The following KIF4A variants were observed in gnomAD, a reference collection of about 807,000 sequenced individuals.
The protein encoded by KIF4A is chromosome-associated kinesin KIF4A.
In KIF4A, 7 loss-of-function variants were observed where a neutral mutation model predicts 105.9. The ratio of observed to expected loss-of-function variants is 0.07; its 90% CI spans 0.04 to 0.12. The LOEUF (loss-of-function observed/expected upper bound fraction) is 0.12. Among genes scored for constraint, KIF4A ranks in the 10% least tolerant of loss-of-function variants. The pLI, the probability that KIF4A is intolerant of heterozygous loss-of-function variation, is 1.00. For synonymous variants in KIF4A, 281 were observed against 331.3 expected, an observed-to-expected ratio of 0.85 and a Z score of 1.65; for missense variants, 558 against 929.2, an observed-to-expected ratio of 0.60 and a Z score of 5.19.
At chrX:70,373,557 C>CATACATAT (rs1491175460) in intron 15 of KIF4A, among the ~76,000 whole-genome samples, 1 of 2,771 alleles carries the variant, frequency 3.6e-4, no homozygotes, top group African/African-American at 1.4e-3. Context: ...TATATATATA[C>CATACATAT]GTATATATAT....
intron 22 of KIF4A, among the ~76,000 whole-genome samples, chrX:70,401,060 C>A (rs1474724485): frequency 2.8e-5 from 3 of 107,112 alleles, no homozygotes; most frequent in Non-Finnish European, 5.8e-5. Flanking sequence ...AGCCACCGCG[C>A]CCCGCCAATA....
chrX:70,306,564 T>C (rs2085827950), intron 7 of KIF4A, among the ~76,000 whole-genome samples: 1 of 111,929 alleles, frequency 8.9e-6, no homozygotes, highest in Non-Finnish European at 1.9e-5. Context: ...TTTGAGACAA[T>C]CTCACTCTGT....
chrX:70,341,854 G>C lies in KIF4A; in HGVS notation c.1189G>C (p.Glu397Gln). ...GATGGAGAAGAATCAGTCCCTGGTA[G>C]AGGAGAATGAAAAATTAAGTCGTGG... is the stretch of plus-strand genomic sequence containing the variant. ...SLMEKNQSLV[E>Q]ENEKLSRGLS... The change falls in exon 11 of 31, where the codon GAG becomes CAG. Residue 397 changes from glutamate to glutamine, a missense_variant. This residue lies in a region of KIF4A where 469 missense variants were observed against 680.4 expected (regional missense o/e 0.69). Transcript: ENST00000374403. 8.3e-7 allele frequency: 1 copy of C among 1,211,657 alleles called. No individual in the cohort carries two copies. The highest frequency in any genetic ancestry group is 1.8e-5 in the South Asian group (1 of 56,926).
chrX:70,364,882 T>C (rs749133370), intron 15 of KIF4A, among the ~76,000 whole-genome samples: 2 of 111,807 alleles, frequency 1.8e-5, no homozygotes, highest in African/African-American at 6.5e-5. Flanking sequence ...GAGCATGGAA[T>C]GTTCTTCCAT....
In KIF4A at chrX:70,353,668, C is replaced by T; in HGVS notation, c.1535C>T (p.Thr512Ile). 1 of 1,211,122 alleles carries T rather than the reference C, an allele frequency of 8.3e-7. No homozygotes were observed. Among genetic ancestry groups the T allele is most frequent in the Non-Finnish European group, 1.1e-6 (1 of 895,285 alleles). Reference protein sequence around the residue: ...PETSRSSDAFTTQHALRQAQM... With the variant: ...PETSRSSDAFITQHALRQAQM... Reference sequence around the variant, plus strand: ...ACGAGCAGGTCTTCTGACGCTTTTACCACTCAGCATGCTCTCCGTCAAGCG... The same window carrying T: ...ACGAGCAGGTCTTCTGACGCTTTTATCACTCAGCATGCTCTCCGTCAAGCG... The change falls in exon 15 of 31, where the codon ACC becomes ATC. Residue 512 changes from threonine to isoleucine, a missense_variant. Thr to Ile is a moderately conservative substitution (Grantham distance 89). This residue lies in a region of KIF4A where 469 missense variants were observed against 680.4 expected (regional missense o/e 0.69). Transcript: ENST00000374403.
intron 15 of KIF4A, among the ~76,000 whole-genome samples, chrX:70,360,725 G>A (rs977803747): frequency 8.9e-6 from 1 of 112,867 alleles, no homozygotes; most frequent in African/African-American, 3.2e-5. Context: ...CCTGCCCAGG[G>A]ATCTGGAGAG....
chrX:70,299,601 A>T (rs1452821608), intron 5 of KIF4A, among the ~76,000 whole-genome samples: 2 of 111,814 alleles, frequency 1.8e-5, no homozygotes, highest in Non-Finnish European at 3.8e-5. Context: ...CGATAGCTAC[A>T]TATGGCTAGT....
intron 7 of KIF4A, among the ~76,000 whole-genome samples, chrX:70,317,178 G>C (rs1455934005): frequency 1.8e-5 from 2 of 111,405 alleles, no homozygotes; most frequent in Non-Finnish European, 3.8e-5. Flanking sequence ...GAATATTCTT[G>C]TACAGGTATT....
intron 26 of KIF4A, 22 bp from the exon 27 acceptor site, chrX:70,406,237 T>C: frequency 8.5e-7 from 1 of 1,171,731 alleles, no homozygotes; most frequent in Non-Finnish European, 1.2e-6. Flanking sequence ...CATTATATAC[T>C]TTGTCTCTTC....
At chrX:70,349,054 G>A (rs751804349) in intron 13 of KIF4A, among the ~76,000 whole-genome samples, 4 of 97,593 alleles carry the variant, frequency 4.1e-5, no homozygotes, top group South Asian at 5.3e-4. Context: ...CGGGGTGGCC[G>A]GGCAGAGGCG....
chrX:70,297,674 T>C (rs1602737600), intron 4 of KIF4A, among the ~76,000 whole-genome samples: 1 of 111,960 alleles, frequency 8.9e-6, no homozygotes, highest in South Asian at 3.8e-4. Flanking sequence ...GTACTTGGTA[T>C]ATATCAGTGA....
intron 23 of KIF4A, among the ~76,000 whole-genome samples, chrX:70,402,987 T>A (rs1360294445): frequency 2.7e-5 from 3 of 112,125 alleles, no homozygotes; most frequent in African/African-American, 6.5e-5. Context: ...AGTGGGTCAC[T>A]GGCTAAACAT....
intron 10 of KIF4A, among the ~76,000 whole-genome samples, chrX:70,340,584 T>A (rs1278983989): frequency 8.9e-6 from 1 of 112,410 alleles, no homozygotes; most frequent in East Asian, 2.8e-4. Flanking sequence ...TAGTTTTTTT[T>A]ATAATCTGCA....
rs1447961046 is a variant in KIF4A, at chrX:70,296,983, C to T, written c.236-15C>T. The T allele has an allele frequency of 1.7e-6, 2 of 1,202,569 alleles. No individual in the cohort carries two copies. Among genetic ancestry groups the T allele is most frequent in the East Asian group, 3.0e-5 (1 of 33,811 alleles). On this transcript the variant is annotated splice_polypyrimidine_tract_variant and intron_variant, in intron 3 of 30. Coordinates refer to ENST00000374403, the MANE Select transcript of KIF4A (RefSeq NM_012310.5). ...TGTTTAAACACCACTATGCATGTGA[C>T]GTCTATTTTGTCAGGATATAATGCA...
chrX:70,324,325 A>T (rs1028638747), intron 7 of KIF4A, among the ~76,000 whole-genome samples: 10 of 112,271 alleles, frequency 8.9e-5, no homozygotes, highest in African/African-American at 3.2e-4. Context: ...TGAGTTCCTT[A>T]AAAGCAGAGA....
chrX:70,386,733 A>G (rs1214535006), intron 19 of KIF4A, 32 bp downstream of exon 19: 1 of 1,027,628 alleles, frequency 9.7e-7, no homozygotes, highest in Non-Finnish European at 1.4e-6. Flanking sequence ...GGTCAAGTGT[A>G]TTGTCATCTT....
chrX:70,398,767 C>G (rs192885050), intron 22 of KIF4A, among the ~76,000 whole-genome samples: 25 of 112,096 alleles, frequency 2.2e-4, no homozygotes, highest in Non-Finnish European at 4.1e-4. Context: ...GGAAAGGACT[C>G]TACATTAGAC....
chrX:70,384,099 A>G (rs905306866), intron 18 of KIF4A, among the ~76,000 whole-genome samples: 87 of 112,013 alleles, frequency 7.8e-4, no homozygotes, highest in African/African-American at 2.8e-3. Flanking sequence ...GAAAGGAGAC[A>G]TCTCTATAAA....
At chrX:70,299,304 T>G in intron 5 of KIF4A, 102 bp downstream of exon 5, 1 of 606,143 alleles carries the variant, frequency 1.6e-6, no homozygotes. Context: ...ATGACTACTA[T>G]CATCTCAGTC....
Sources: allele counts gnomAD v4.1 joint callset (sites outside exome capture counted in the v4.1 genomes callset), GRCh38; gene constraint gnomAD v4.1.1; regional missense constraint gnomAD v4.1.1; transcripts MANE v1.5; gene names NCBI Gene and HGNC (gene_info 2026-07-23, HGNC 2026-07-21).